The following GAB2 variants were observed in gnomAD, a reference collection of about 807,000 sequenced individuals.
GAB2 encodes the protein GRB2-associated-binding protein 2.
Under a neutral mutation model 65.5 loss-of-function variants are expected in GAB2, and 26 were observed. The observed-to-expected ratio is 0.40, with a 90% confidence interval of 0.29 to 0.55. The LOEUF is 0.55. Among genes scored for constraint, GAB2 ranks in the 20% least tolerant of loss-of-function variants. The probability of loss-of-function intolerance (pLI) is 0.53; values close to 1 mark genes in which losing one functional copy is unlikely to be tolerated. For missense variants in GAB2, 884 were observed against 875.8 expected (o/e 1.01, Z -0.12); for synonymous variants, 321 against 329.6 (o/e 0.97, Z 0.28).
rs1357828196 is a variant in GAB2, at chr11:78,225,201, A to T, written c.1209T>A (p.Ala403=). ...PAMDNSRLHR[A]SSCETYEYPQ... is the part of the protein sequence containing the mutation. ...GGTACTCGTAGGTCTCACAGGAAGA[A>T]GCTGACAGAGGAAGGAGGATTCATA... The change falls in exon 5 of 10, where the codon GCT becomes GCA. Residue 403 remains alanine, a splice_region_variant and synonymous_variant. Coordinates refer to ENST00000361507, the MANE Select transcript of GAB2 (RefSeq NM_080491.3). The T allele has an allele frequency of 6.2e-7, 1 of 1,600,474 alleles. No individual in the cohort carries two copies. The highest frequency in any genetic ancestry group is 1.1e-5 in the South Asian group (1 of 90,794).
chr11:78,239,661 T>C (rs968746791), intron 3 of GAB2, among the ~76,000 whole-genome samples: 1 of 152,122 alleles, frequency 6.6e-6, no homozygotes, highest in Non-Finnish European at 1.5e-5. Context: ...CACCACTCCA[T>C]GCAAGATCAG....
At chr11:78,366,454 T>C (rs1325984040) in intron 1 of GAB2, among the ~76,000 whole-genome samples, 1 of 151,558 alleles carries the variant, frequency 6.6e-6, no homozygotes, top group East Asian at 1.9e-4. Context: ...GGTACAGTGG[T>C]GCATGTCTGT....
Position 78,417,693 on chromosome 11 carries a change from TG to T in GAB2, c.27del (p.Cys9Ter). 7.3e-7 allele frequency: 1 copy of T among 1,368,616 alleles called. No individual in the cohort carries two copies. The allele number at this position is 1,368,616 out of a possible 1,614,324, so 84.8% of individuals were successfully genotyped here. A position where few individuals can be genotyped will look rare whatever the true frequency, so the allele number is the denominator to read the frequency against. On this transcript the variant is annotated frameshift_variant, in exon 1 of 10. Transcript: ENST00000361507. LOFTEE classifies it high-confidence loss of function. Reference sequence around the variant, plus strand: ...GGAGGCGATTTCCTCAGCCAGCCGGTGCACACCACGTCGCCGCCGCCGCTCA... The same window carrying T: ...GGAGGCGATTTCCTCAGCCAGCCGGTCACACCACGTCGCCGCCGCCGCTCA... Reference protein sequence around the residue: MSGGGDVVCTGWLRKSPPE... With the variant: MSGGGDVVXTGWLRKSPPE...
At chr11:78,291,395 G>A (rs981834152) in intron 1 of GAB2, among the ~76,000 whole-genome samples, 2 of 150,912 alleles carry the variant, frequency 1.3e-5, no homozygotes, top group East Asian at 3.9e-4. Flanking sequence ...GAACCTGGGA[G>A]GCAGAGCTTA....
chr11:78,360,531 G>C (rs1486634588), intron 1 of GAB2, among the ~76,000 whole-genome samples: 1 of 152,022 alleles, frequency 6.6e-6, no homozygotes, highest in African/African-American at 2.4e-5. Context: ...CTCCCTAAAT[G>C]AATTTATTAA....
intron 1 of GAB2, among the ~76,000 whole-genome samples, chr11:78,307,718 A>G (rs1037473213): frequency 6.6e-6 from 1 of 152,114 alleles, no homozygotes; most frequent in African/African-American, 2.4e-5. Flanking sequence ...TGAATCTGCA[A>G]ACATAGGAGT....
intron 1 of GAB2, among the ~76,000 whole-genome samples, chr11:78,393,394 A>G (rs1856858250): frequency 6.6e-6 from 1 of 152,246 alleles, no homozygotes; most frequent in South Asian, 2.1e-4. Context: ...GTCATTTAAA[A>G]TATGAGCCAA....
At chr11:78,320,825 C>A (rs903976776) in intron 1 of GAB2, among the ~76,000 whole-genome samples, 1 of 150,164 alleles carries the variant, frequency 6.7e-6, no homozygotes, top group African/African-American at 2.5e-5. Context: ...CCTGCCATGG[C>A]CTCCCAAAGT....
intron 2 of GAB2, among the ~76,000 whole-genome samples, chr11:78,264,914 T>C (rs1260101399): frequency 2.0e-5 from 3 of 152,226 alleles, no homozygotes; most frequent in Admixed American, 1.3e-4. Context: ...AAAGGGCTGT[T>C]GTGAAGATCA....
Position 78,236,241 on chromosome 11 carries a change from G to A in GAB2, c.621-9190C>T, listed in dbSNP as rs530669976. Among the ~76,000 whole-genome samples the A allele has an allele frequency of 7.9e-5, 12 of 152,212 alleles. No individual in the cohort carries two copies. In the East Asian group the frequency reaches 2.3e-3, roughly 29 times the overall value. On this transcript the variant is annotated intron_variant, in intron 3 of 9. Transcript: ENST00000361507. ...ATTAAAATTTTTTCATTTTCCAATT[G>A]TTCACTGCATACTGTAAAACTTATT...
At chr11:78,390,520 C>G (rs1022522669) in intron 1 of GAB2, among the ~76,000 whole-genome samples, 1 of 152,040 alleles carries the variant, frequency 6.6e-6, no homozygotes, top group Non-Finnish European at 1.5e-5. Flanking sequence ...ACCAGGGAGG[C>G]GGAGGTTGCA....
At chr11:78,383,206 A>G (rs548627790) in intron 1 of GAB2, among the ~76,000 whole-genome samples, 1 of 152,300 alleles carries the variant, frequency 6.6e-6, no homozygotes, top group South Asian at 2.1e-4. Context: ...TGGGAGGCAG[A>G]GGTTGCAGTG....
chr11:78,376,421 A>G (rs1319669718), intron 1 of GAB2, among the ~76,000 whole-genome samples: 1 of 152,274 alleles, frequency 6.6e-6, no homozygotes, highest in Non-Finnish European at 1.5e-5. Context: ...CCTATGAGAT[A>G]GGTTCCATCA....
chr11:78,387,938 A>G (rs1856789313), intron 1 of GAB2: 1 of 152,230 alleles, frequency 6.6e-6, no homozygotes, highest in Non-Finnish European at 1.5e-5. Context: ...CACAAAATGG[A>G]GAAAATAAAA....
intron 1 of GAB2, among the ~76,000 whole-genome samples, chr11:78,383,581 C>CAAAAAA (rs534814220): frequency 8.5e-4 from 47 of 55,540 alleles, no homozygotes; most frequent in East Asian, 2.9e-3. Context: ...CCTGTCTCTC[C>CAAAAAA]AAAAAAAAAA....
At chr11:78,312,587 C>A (rs746726673) in intron 1 of GAB2, among the ~76,000 whole-genome samples, 4 of 151,932 alleles carry the variant, frequency 2.6e-5, no homozygotes, top group African/African-American at 9.7e-5. Flanking sequence ...CACCATGCCC[C>A]GCTAATTTTT....
Position 78,255,939 on chromosome 11 carries a change from A to C in GAB2, c.377-5539T>G, listed in dbSNP as rs146055486. On this transcript the variant is annotated intron_variant, in intron 2 of 9. Transcript: ENST00000361507. ...AGTGGAGAGACTTGGCTCTGTCCCT[A>C]GATCTGCCTAAAGGCAGATCTGCTT... is the stretch of plus-strand genomic sequence containing the variant. Among the ~76,000 whole-genome samples the C allele has an allele frequency of 7.2e-3, 1,094 of 152,362 alleles. 6 individuals carry two copies. The highest frequency in any genetic ancestry group is 9.7e-3 in the Non-Finnish European group (657 of 68,030).
chr11:78,286,467 T>C (rs10899454), intron 1 of GAB2, among the ~76,000 whole-genome samples: 30,634 of 152,016 alleles, frequency 0.2, 3,338 homozygotes, highest in East Asian at 0.4. Flanking sequence ...GCATTTCTAA[T>C]GCTTATATGT....
intron 1 of GAB2, among the ~76,000 whole-genome samples, chr11:78,286,774 G>A (rs897260052): frequency 2.6e-5 from 4 of 152,152 alleles, no homozygotes; most frequent in Admixed American, 6.5e-5. Context: ...GATAAGTGCA[G>A]TATCCATGTA....
Sources: allele counts gnomAD v4.1 joint callset (sites outside exome capture counted in the v4.1 genomes callset), GRCh38; gene constraint gnomAD v4.1.1; transcripts MANE v1.5; gene names NCBI Gene and HGNC (gene_info 2026-07-23, HGNC 2026-07-21).